FOXQ1: variants seen among roughly 807,000 people sequenced by gnomAD.
FOXQ1 encodes forkhead box Q1, also known as forkhead box protein Q1.
Under a neutral mutation model 0.6 loss-of-function variants are expected in FOXQ1, and 1 was observed. That is an observed-to-expected ratio of 1.73 (90% CI 0.61 to 8.20). The LOEUF is 8.20. FOXQ1 is among the 30% of genes most tolerant of loss of function. FOXQ1 has a pLI of 0.13. For missense variants in FOXQ1, 734 were observed against 595.6 expected (o/e 1.23, Z -2.42); for synonymous variants, 377 against 294.4 (o/e 1.28, Z -2.87).
chr6:1,313,511 C>T lies in FOXQ1; in HGVS notation c.807C>T (p.Ser269=). 1 of 1,245,930 alleles carries T rather than the reference C, an allele frequency of 8.0e-7. No individual in the cohort carries two copies. The allele number at this position is 1,245,930 out of a possible 1,614,324, so 77.2% of individuals were successfully genotyped here. The change falls in exon 1 of 1, where the codon AGC becomes AGT. Residue 269 remains serine, a synonymous_variant. Transcript: ENST00000296839. The surrounding 1 kb of genome is among the most constrained non-coding windows in gnomAD (Gnocchi z 5.2). ...ERASPAGKFS[S]SFAIDSILRK... ...CCAGCCCCGCGGGCAAGTTCTCCAGCTCCTTCGCCATCGACAGCATCCTGC... is the reference window on the plus strand; with the variant it reads ...CCAGCCCCGCGGGCAAGTTCTCCAGTTCCTTCGCCATCGACAGCATCCTGC...
chr6:1,312,724 T>C lies in FOXQ1; in HGVS notation c.20T>C (p.Val7Ala). Reference sequence around the variant, plus strand: ...GCGGGCATGAAGTTGGAGGTGTTCGTCCCTCGCGCGGCCCACGGGGACAAG... The same window carrying C: ...GCGGGCATGAAGTTGGAGGTGTTCGCCCCTCGCGCGGCCCACGGGGACAAG... MKLEVF[V>A]PRAAHGDKQG... The change falls in exon 1 of 1, where the codon GTC becomes GCC. Residue 7 changes from valine to alanine, a missense_variant. Transcript: ENST00000296839. The C allele has an allele frequency of 7.4e-7, 1 of 1,355,732 alleles. No homozygotes were observed. Among genetic ancestry groups the C allele is most frequent in the Non-Finnish European group, 9.5e-7 (1 of 1,057,196 alleles). 84.0% of individuals were successfully genotyped at this position (1,355,732 alleles called of 1,614,324 possible). A position where few individuals can be genotyped will look rare whatever the true frequency, so the allele number is the denominator to read the frequency against.
chr6:1,312,991 C>A lies in FOXQ1; in HGVS notation c.287C>A (p.Ala96Glu). Residue 96 changes from alanine to glutamate, a missense_variant, in exon 1 of 1, where the codon GCG (alanine) becomes GAG (glutamate). Transcript: ENST00000296839. ...VVAEGAEAGA[A>E]GPGAGGAGSG... is the part of the protein sequence containing the mutation. ...GCGGAGGGCGCGGAGGCCGGGGCGG[C>A]GGGGCCAGGCGCGGGCGGCGCGGGG... is the stretch of plus-strand genomic sequence containing the variant. The A allele has an allele frequency of 7.6e-7, 1 of 1,308,216 alleles. No homozygotes were observed. The highest frequency in any genetic ancestry group is 9.7e-7 in the Non-Finnish European group (1 of 1,031,874). 81.0% of individuals were successfully genotyped at this position (1,308,216 alleles called of 1,614,324 possible). A position where few individuals can be genotyped will look rare whatever the true frequency, so the allele number is the denominator to read the frequency against.
In FOXQ1 at chr6:1,313,494, G is replaced by A. The variant is rs772709709; in HGVS notation, c.790G>A (p.Ala264Thr). The change falls in exon 1 of 1, where the codon GCG becomes ACG. Residue 264 changes from alanine to threonine, a missense_variant. Coordinates refer to ENST00000296839, the MANE Select transcript of FOXQ1 (RefSeq NM_033260.4). The surrounding 1 kb of genome is among the most constrained non-coding windows in gnomAD (Gnocchi z 5.2). The stretch of plus-strand genomic sequence containing the variant: ...CCGCCAGGAGGAGCGCGCCAGCCCC[G>A]CGGGCAAGTTCTCCAGCTCCTTCGC... Reference protein sequence around the residue: ...PARQEERASPAGKFSSSFAID... With the variant: ...PARQEERASPTGKFSSSFAID... The A allele has an allele frequency of 5.9e-6, 7 of 1,191,372 alleles. No individual in the cohort carries two copies. The South Asian group carries it at 1.1e-4, about 19-fold the overall frequency. The allele number at this position is 1,191,372 out of a possible 1,614,324, so 73.8% of individuals were successfully genotyped here.
chr6:1,312,741 G>C lies in FOXQ1; in HGVS notation c.37G>C (p.Gly13Arg), dbSNP rs1416516284. ...LEVFVPRAAH[G>R]DKQGSDLEGA... ...GGTGTTCGTCCCTCGCGCGGCCCAC[G>C]GGGACAAGCAGGGCAGTGACCTGGA... Residue 13 changes from glycine (G) to arginine (R), a missense_variant, in exon 1 of 1, where the codon GGG becomes CGG. Transcript: ENST00000296839. The C allele has an allele frequency of 7.4e-7, 1 of 1,354,856 alleles. No homozygotes were observed. The highest frequency in any genetic ancestry group is 1.9e-5 in the South Asian group (1 of 53,900). The allele number at this position is 1,354,856 out of a possible 1,614,324, so 83.9% of individuals were successfully genotyped here.
rs774317258 is a variant in FOXQ1 at position 1,313,171 on chromosome 6, T to C, written c.467T>C (p.Phe156Ser). ...NEYLMGKFPF[F>S]RGSYTGWRNS... ...TACCTCATGGGCAAGTTCCCCTTTTTCCGCGGCAGCTACACGGGCTGGCGC... is the reference window on the plus strand; with the variant it reads ...TACCTCATGGGCAAGTTCCCCTTTTCCCGCGGCAGCTACACGGGCTGGCGC... Residue 156 changes from phenylalanine to serine, a missense_variant, in exon 1 of 1, where the codon TTC becomes TCC. By Grantham distance (155) the Phe-to-Ser change is radical. Transcript: ENST00000296839. This position sits in a 1 kb window ranked among gnomAD's most constrained non-coding sequence, Gnocchi z 5.2. 9 of 1,610,736 alleles carry C rather than the reference T, an allele frequency of 5.6e-6. No homozygotes were observed. Among genetic ancestry groups the C allele is most frequent in the Non-Finnish European group, 7.6e-6 (9 of 1,179,074 alleles).
Position 1,314,168 on chromosome 6 carries a change from C to G in FOXQ1, c.*252C>G, listed in dbSNP as rs994621847. ...AGTTTCTTTGCGAAGCCTGCTCCTC[C>G]TTCCCTTCATAAGGACTTTTTTTGT... On this transcript the variant is annotated 3_prime_UTR_variant, in exon 1 of 1. Transcript: ENST00000296839. 1 of 410,638 alleles carries G rather than the reference C, an allele frequency of 2.4e-6. No individual in the cohort carries two copies. Among genetic ancestry groups the G allele is most frequent in the East Asian group, 5.3e-5 (1 of 18,904 alleles). The allele number at this position is 410,638 out of a possible 1,614,324, so 25.4% of individuals were successfully genotyped here.
In FOXQ1 at chr6:1,312,564, T is replaced by C. The variant is rs1459099077; in HGVS notation, c.-141T>C. 3 of 1,209,124 alleles carry C rather than the reference T, an allele frequency of 2.5e-6. No individual in the cohort carries two copies. The highest frequency in any genetic ancestry group is 3.1e-6 in the Non-Finnish European group (3 of 964,320). 74.9% of individuals were successfully genotyped at this position (1,209,124 alleles called of 1,614,324 possible). A position where few individuals can be genotyped will look rare whatever the true frequency, so the allele number is the denominator to read the frequency against. The stretch of plus-strand genomic sequence containing the variant: ...AGAGGACTCCGGAAAAGTGACTATC[T>C]CGGAAGACCAGGGTAGAGCTCCCGG... On this transcript the variant is annotated 5_prime_UTR_variant, in exon 1 of 1. Coordinates refer to ENST00000296839, the MANE Select transcript of FOXQ1 (RefSeq NM_033260.4).
rs1191913863 is a variant in FOXQ1, at chr6:1,313,407, C to A, written c.703C>A (p.Leu235Ile). Residue 235 changes from leucine (L) to isoleucine (I), a missense_variant, in exon 1 of 1, where the codon CTC becomes ATC. By Grantham distance (5) the Leu-to-Ile change is conservative. Transcript: ENST00000296839. This position sits in a 1 kb window ranked among gnomAD's most constrained non-coding sequence, Gnocchi z 5.2. Reference sequence around the variant, plus strand: ...GCTGCGGCCCGAGGAGGCCCCGGGCCTCCCCGCCGCCCCGCCGCCCGCGCC... The same window carrying A: ...GCTGCGGCCCGAGGAGGCCCCGGGCATCCCCGCCGCCCCGCCGCCCGCGCC... Reference protein sequence around the residue: ...PGLRPEEAPGLPAAPPPAPAA... With the variant: ...PGLRPEEAPGIPAAPPPAPAA... 1 of 1,057,266 alleles carries A rather than the reference C, an allele frequency of 9.5e-7. No individual in the cohort carries two copies. Among genetic ancestry groups the A allele is most frequent in the Non-Finnish European group, 1.1e-6 (1 of 876,148 alleles). 65.5% of individuals were successfully genotyped at this position (1,057,266 alleles called of 1,614,324 possible). A position where few individuals can be genotyped will look rare whatever the true frequency, so the allele number is the denominator to read the frequency against.
At position 1,313,844 on chromosome 6, in the gene FOXQ1, A is replaced by G; in HGVS notation, c.1140A>G (p.Ala380=). The change falls in exon 1 of 1, where the codon GCA becomes GCG. Residue 380 remains alanine, a synonymous_variant. Transcript: ENST00000296839. This position sits in a 1 kb window ranked among gnomAD's most constrained non-coding sequence, Gnocchi z 5.2. ...TGTACTGCCCCCTGCGGCTGCCCGC[A>G]GCCCTGCAGGCGGCCTCAGTCCGCC... ...AHLYCPLRLP[A]ALQAASVRRP... The G allele has an allele frequency of 1.5e-6, 2 of 1,301,650 alleles. No individual in the cohort carries two copies. Among genetic ancestry groups the G allele is most frequent in the Non-Finnish European group, 1.9e-6 (2 of 1,030,660 alleles). The allele number at this position is 1,301,650 out of a possible 1,614,324, so 80.6% of individuals were successfully genotyped here. A position where few individuals can be genotyped will look rare whatever the true frequency, so the allele number is the denominator to read the frequency against.
Position 1,313,526 on chromosome 6 carries a change from C to A in FOXQ1, c.822C>A (p.Asp274Glu). 2.4e-6 allele frequency: 3 copies of A among 1,265,270 alleles called. No individual in the cohort carries two copies. Among genetic ancestry groups the A allele is most frequent in the South Asian group, 3.0e-5 (2 of 66,048 alleles). 78.4% of individuals were successfully genotyped at this position (1,265,270 alleles called of 1,614,324 possible). ...AGKFSSSFAIDSILRKPFRSR... is the reference protein window; with the variant it reads ...AGKFSSSFAIESILRKPFRSR... ...AGTTCTCCAGCTCCTTCGCCATCGA[C>A]AGCATCCTGCGCAAGCCCTTCCGCA... Residue 274 changes from aspartate to glutamate, a missense_variant, in exon 1 of 1, where the codon GAC becomes GAA. Transcript: ENST00000296839. The surrounding 1 kb of genome is among the most constrained non-coding windows in gnomAD (Gnocchi z 5.2).
chr6:1,313,590 C>A lies in FOXQ1; in HGVS notation c.886C>A (p.Gln296Lys). 1 of 1,163,216 alleles carries A rather than the reference C, an allele frequency of 8.6e-7. No individual in the cohort carries two copies. Among genetic ancestry groups the A allele is most frequent in the East Asian group, 5.9e-5 (1 of 17,034 alleles). The allele number at this position is 1,163,216 out of a possible 1,614,324, so 72.1% of individuals were successfully genotyped here. ...LRDTAPGTTL[Q>K]WGAAPCPPLP... ...GGACACGGCCCCCGGGACGACGCTT[C>A]AGTGGGGCGCCGCGCCCTGCCCGCC... is the stretch of plus-strand genomic sequence containing the variant. The change falls in exon 1 of 1, where the codon CAG becomes AAG. Residue 296 changes from glutamine (Q) to lysine (K), a missense_variant. Transcript: ENST00000296839. The surrounding 1 kb of genome is among the most constrained non-coding windows in gnomAD (Gnocchi z 5.2).
chr6:1,312,931 A>T lies in FOXQ1; in HGVS notation c.227A>T (p.Glu76Val). Residue 76 changes from glutamate to valine, a missense_variant, in exon 1 of 1, where the codon GAG (glutamate) becomes GTG (valine). Physicochemically the swap from Glu to Val is moderately radical, Grantham distance 121. Coordinates refer to ENST00000296839, the MANE Select transcript of FOXQ1 (RefSeq NM_033260.4). ...QSAGGGPGAE[E>V]AIPAAAAAAV... ...GCGGGAGGCGGGCCGGGCGCGGAGGAGGCGATCCCGGCAGCAGCTGCTGCA... is the reference window on the plus strand; with the variant it reads ...GCGGGAGGCGGGCCGGGCGCGGAGGTGGCGATCCCGGCAGCAGCTGCTGCA... 1 of 1,275,542 alleles carries T rather than the reference A, an allele frequency of 7.8e-7. No homozygotes were observed. The highest frequency in any genetic ancestry group is 9.9e-7 in the Non-Finnish European group (1 of 1,014,498). 79.0% of individuals were successfully genotyped at this position (1,275,542 alleles called of 1,614,324 possible).
In FOXQ1 at chr6:1,313,880, G is replaced by A. The variant is rs1228050110; in HGVS notation, c.1176G>A (p.Pro392=). The change falls in exon 1 of 1, where the codon CCG becomes CCA. Residue 392 remains proline (P), a synonymous_variant. Coordinates refer to ENST00000296839, the MANE Select transcript of FOXQ1 (RefSeq NM_033260.4). This position sits in a 1 kb window ranked among gnomAD's most constrained non-coding sequence, Gnocchi z 5.2. ...LQAASVRRPG[P]HLPYPVETLL... ...CGGCCTCAGTCCGCCGCCCTGGCCC[G>A]CACCTGCCGTACCCGGTGGAGACGC... 2.3e-6 allele frequency: 3 copies of A among 1,313,924 alleles called. No individual in the cohort carries two copies. Among genetic ancestry groups the A allele is most frequent in the South Asian group, 2.3e-5 (1 of 44,262 alleles). The allele number at this position is 1,313,924 out of a possible 1,614,324, so 81.4% of individuals were successfully genotyped here. A position where few individuals can be genotyped will look rare whatever the true frequency, so the allele number is the denominator to read the frequency against.
rs1343209445 is a variant in FOXQ1, at chr6:1,314,608, G to A, written c.*692G>A. 2 of 166,846 alleles carry A rather than the reference G, an allele frequency of 1.2e-5. No homozygotes were observed. The highest frequency in any genetic ancestry group is 2.4e-5 in the African/African-American group (1 of 41,414). The allele number at this position is 166,846 out of a possible 1,614,324, so 10.3% of individuals were successfully genotyped here. A position where few individuals can be genotyped will look rare whatever the true frequency, so the allele number is the denominator to read the frequency against. On this transcript the variant is annotated 3_prime_UTR_variant, in exon 1 of 1. Coordinates refer to ENST00000296839, the MANE Select transcript of FOXQ1 (RefSeq NM_033260.4). ...TAAAGGAAAAGTTGATTATGTATGT[G>A]GGGTGCCAGGACCACTGCCTTGAAA...
rs1188270493 is a variant in FOXQ1, at chr6:1,313,811, C to T, written c.1107C>T (p.Gly369=). Residue 369 remains glycine (G), a synonymous_variant, in exon 1 of 1, where the codon GGC becomes GGT. Transcript: ENST00000296839. The surrounding 1 kb of genome is among the most constrained non-coding windows in gnomAD (Gnocchi z 5.2). The stretch of plus-strand genomic sequence containing the variant: ...CACTCCGAGGCCCGGCGGCCGGCGG[C>T]GCGCACCTGTACTGCCCCCTGCGGC... ...AKPLRGPAAG[G]AHLYCPLRLP... The T allele has an allele frequency of 1.6e-6, 2 of 1,281,632 alleles. No homozygotes were observed. Among genetic ancestry groups the T allele is most frequent in the South Asian group, 2.6e-5 (1 of 37,774 alleles). 79.4% of individuals were successfully genotyped at this position (1,281,632 alleles called of 1,614,324 possible). A position where few individuals can be genotyped will look rare whatever the true frequency, so the allele number is the denominator to read the frequency against.
rs1254666686 is a variant in FOXQ1 at position 1,313,663 on chromosome 6, T to A, written c.959T>A (p.Leu320Gln). The A allele has an allele frequency of 2.9e-5, 30 of 1,041,694 alleles. No individual in the cohort carries two copies. Among genetic ancestry groups the A allele is most frequent in the Non-Finnish European group, 3.4e-5 (30 of 870,344 alleles). 64.5% of individuals were successfully genotyped at this position (1,041,694 alleles called of 1,614,324 possible). A position where few individuals can be genotyped will look rare whatever the true frequency, so the allele number is the denominator to read the frequency against. ...CTCCCCGCGGCGCCCTGCAGGGCCC[T>A]GCTGCCGCTCTGCGCGTACGGCGCG... The part of the protein sequence containing the change: ...ALLPAAPCRA[L>Q]LPLCAYGAGE... Residue 320 changes from leucine to glutamine, a missense_variant, in exon 1 of 1, where the codon CTG becomes CAG. Coordinates refer to ENST00000296839, the MANE Select transcript of FOXQ1 (RefSeq NM_033260.4). The surrounding 1 kb of genome is among the most constrained non-coding windows in gnomAD (Gnocchi z 5.2).
rs764441548 is a variant in FOXQ1 at position 1,313,396 on chromosome 6, A to C, written c.692A>C (p.Glu231Ala). 1.7e-4 allele frequency: 206 copies of C among 1,237,570 alleles called. No homozygotes were observed. In the South Asian group the frequency reaches 4.0e-3, roughly 24 times the overall value. 76.7% of individuals were successfully genotyped at this position (1,237,570 alleles called of 1,614,324 possible). Residue 231 changes from glutamate (E) to alanine (A), a missense_variant, in exon 1 of 1, where the codon GAG (glutamate) becomes GCG (alanine). Glu to Ala is a moderately radical substitution (Grantham distance 107). Coordinates refer to ENST00000296839, the MANE Select transcript of FOXQ1 (RefSeq NM_033260.4). The surrounding 1 kb of genome is among the most constrained non-coding windows in gnomAD (Gnocchi z 5.2). The part of the protein sequence containing the change: ...PVPAPGLRPE[E>A]APGLPAAPPP... Reference sequence around the variant, plus strand: ...CCCGCGCCCGGGCTGCGGCCCGAGGAGGCCCCGGGCCTCCCCGCCGCCCCG... The same window carrying C: ...CCCGCGCCCGGGCTGCGGCCCGAGGCGGCCCCGGGCCTCCCCGCCGCCCCG...
chr6:1,314,176 C>A lies in FOXQ1; in HGVS notation c.*260C>A. ...TGCGAAGCCTGCTCCTCCTTCCCTT[C>A]ATAAGGACTTTTTTTGTCTTTCTTT... On this transcript the variant is annotated 3_prime_UTR_variant, in exon 1 of 1. Transcript: ENST00000296839. 1 of 367,422 alleles carries A rather than the reference C, an allele frequency of 2.7e-6. No individual in the cohort carries two copies. Among genetic ancestry groups the A allele is most frequent in the Non-Finnish European group, 4.6e-6 (1 of 218,538 alleles). The allele number at this position is 367,422 out of a possible 1,614,324, so 22.8% of individuals were successfully genotyped here.
At position 1,313,624 on chromosome 6, in the gene FOXQ1, C is replaced by A. The variant is rs1374026795; in HGVS notation, c.920C>A (p.Ala307Glu). The A allele has an allele frequency of 2.9e-5, 32 of 1,100,890 alleles. No homozygotes were observed. The highest frequency in any genetic ancestry group is 3.4e-5 in the Non-Finnish European group (31 of 902,524). The allele number at this position is 1,100,890 out of a possible 1,614,324, so 68.2% of individuals were successfully genotyped here. The change falls in exon 1 of 1, where the codon GCG (alanine) becomes GAG (glutamate). Residue 307 changes from alanine to glutamate, a missense_variant. Coordinates refer to ENST00000296839, the MANE Select transcript of FOXQ1 (RefSeq NM_033260.4). The surrounding 1 kb of genome is among the most constrained non-coding windows in gnomAD (Gnocchi z 5.2). Reference protein sequence around the residue: ...WGAAPCPPLPAFPALLPAAPC... With the variant: ...WGAAPCPPLPEFPALLPAAPC... ...GCCGCGCCCTGCCCGCCGCTGCCCG[C>A]GTTCCCCGCGCTCCTCCCCGCGGCG...
Sources: gnomAD v4.1 joint callset for allele counts on GRCh38, gnomAD v4.1.1 for gene constraint, Gnocchi (gnomAD v3.1) non-coding constraint, MANE v1.5 for transcripts, NCBI Gene and HGNC (gene_info 2026-07-23, HGNC 2026-07-21) for gene names.